Variants in UBE2E2 observed in about 807,000 individuals in gnomAD.
UBE2E2 encodes ubiquitin conjugating enzyme E2 E2.
Under a neutral mutation model 24.7 loss-of-function variants are expected in UBE2E2, and 6 were observed. The observed-to-expected ratio is 0.24, with a 90% CI of 0.13 to 0.48. UBE2E2 has a LOEUF of 0.48. UBE2E2 is among the 20% of genes least tolerant of loss of function. UBE2E2 has a pLI of 0.99. For missense variants in UBE2E2, 169 were observed against 245.0 expected (o/e 0.69, Z 2.07); for synonymous variants, 104 against 83.6 (o/e 1.24, Z -1.33).
intron 3 of UBE2E2, among the ~76,000 whole-genome samples, chr3:23,307,234 C>T (rs1460410081): frequency 6.6e-6 from 1 of 152,076 alleles, no homozygotes; most frequent in Non-Finnish European, 1.5e-5. Context: ...AATGTCTTCT[C>T]TTTCTGAGGA....
At chr3:23,368,941 G>T (rs1487702702) in intron 3 of UBE2E2, among the ~76,000 whole-genome samples, 1 of 152,140 alleles carries the variant, frequency 6.6e-6, no homozygotes, top group Non-Finnish European at 1.5e-5. Flanking sequence ...TACAGTGTGT[G>T]TGTTTATATA....
At chr3:23,585,461 T>C (rs545873410) in intron 5 of UBE2E2, among the ~76,000 whole-genome samples, 1 of 152,032 alleles carries the variant, frequency 6.6e-6, no homozygotes, top group Non-Finnish European at 1.5e-5. Flanking sequence ...CTTCCATCTC[T>C]ATGATATTCT....
At chr3:23,387,134 GA>G (rs1260022032) in intron 3 of UBE2E2, among the ~76,000 whole-genome samples, 2 of 152,224 alleles carry the variant, frequency 1.3e-5, no homozygotes, top group Admixed American at 1.3e-4. Context: ...CACATATGCA[GA>G]TGCTATTAGC....
intron 3 of UBE2E2, among the ~76,000 whole-genome samples, chr3:23,346,863 G>A (rs563509010): frequency 2.0e-5 from 3 of 152,132 alleles, no homozygotes; most frequent in African/African-American, 7.2e-5. Flanking sequence ...CTTTCTGAAG[G>A]AGAAGACTAA....
At chr3:23,469,796 A>C (rs945521746) in intron 3 of UBE2E2, among the ~76,000 whole-genome samples, 1 of 152,222 alleles carries the variant, frequency 6.6e-6, no homozygotes, top group Non-Finnish European at 1.5e-5. Flanking sequence ...AATGTAATCT[A>C]TTGCCAATTG....
intron 3 of UBE2E2, among the ~76,000 whole-genome samples, chr3:23,326,138 C>G (rs958462785): frequency 1.3e-5 from 2 of 152,178 alleles, no homozygotes; most frequent in Non-Finnish European, 2.9e-5. Context: ...GTGGCGCGAT[C>G]TTGGCTCACT....
intron 5 of UBE2E2, among the ~76,000 whole-genome samples, chr3:23,559,544 G>A (rs1309437640): frequency 6.6e-6 from 1 of 152,188 alleles, no homozygotes; most frequent in Non-Finnish European, 1.5e-5. Flanking sequence ...AGAAATAAAA[G>A]ATAGTCATGT....
At position 23,509,492 on chromosome 3, in the gene UBE2E2, T is replaced by G. The variant is rs77270352; in HGVS notation, c.360+9752T>G. On this transcript the variant is annotated intron_variant, in intron 4 of 5. Transcript: ENST00000396703. ...CAAGCTGGGATACAGTAGGCAGGTC[T>G]GAGTTCATTTCTGAGACTGCCTGCC... Among the ~76,000 whole-genome samples the G allele has an allele frequency of 5.7e-3, 862 of 152,320 alleles. 8 individuals carry two copies. Among genetic ancestry groups the G allele is most frequent in the African/African-American group, 0.02 (819 of 41,576 alleles).
intron 5 of UBE2E2, among the ~76,000 whole-genome samples, chr3:23,558,887 C>A (rs926956489): frequency 6.6e-6 from 1 of 152,092 alleles, no homozygotes; most frequent in African/African-American, 2.4e-5. Flanking sequence ...ATAGCAAGAC[C>A]CCATTTCTTT....
chr3:23,583,177 G>A lies in UBE2E2; in HGVS notation c.509-6557G>A, dbSNP rs1049892270. 6.6e-6 allele frequency among the ~76,000 whole-genome samples: 1 copy of A among 152,088 alleles called. No homozygotes were observed. The highest frequency in any genetic ancestry group is 6.6e-5 in the Admixed American group (1 of 15,262). On this transcript the variant is annotated intron_variant, in intron 5 of 5. Transcript: ENST00000396703. The surrounding 1 kb of genome is among the most constrained non-coding windows in gnomAD (Gnocchi z 4.1). ...GCCAGTTAGCCCAGCACCATTTATT[G>A]AATAGGGAGTCCTTTCCCCATTGCT...
chr3:23,401,429 G>A (rs1223959891), intron 3 of UBE2E2, among the ~76,000 whole-genome samples: 1 of 152,238 alleles, frequency 6.6e-6, no homozygotes, highest in South Asian at 2.1e-4. Flanking sequence ...TCACCCCCAC[G>A]ATTCAGGTGA....
intron 1 of UBE2E2, among the ~76,000 whole-genome samples, chr3:23,207,596 G>A (rs1442334573): frequency 6.6e-6 from 1 of 152,136 alleles, no homozygotes; most frequent in East Asian, 1.9e-4. Context: ...TACTAGTTTG[G>A]AGAATTTTAA....
intron 3 of UBE2E2, among the ~76,000 whole-genome samples, chr3:23,320,138 G>T (rs1694704620): frequency 6.6e-6 from 1 of 152,304 alleles, no homozygotes; most frequent in African/African-American, 2.4e-5. Context: ...AAAGCTGGGG[G>T]TTGTCATAGT....
intron 3 of UBE2E2, among the ~76,000 whole-genome samples, chr3:23,373,445 C>T (rs1211361809): frequency 6.6e-6 from 1 of 152,138 alleles, no homozygotes; most frequent in Non-Finnish European, 1.5e-5. Flanking sequence ...TTCAAGATTC[C>T]ACTAGTTTCA....
At chr3:23,234,367 A>C (rs1236634763) in intron 3 of UBE2E2, among the ~76,000 whole-genome samples, 1 of 152,104 alleles carries the variant, frequency 6.6e-6, no homozygotes, top group Non-Finnish European at 1.5e-5. Flanking sequence ...GCAGATCTTT[A>C]GTTTTCTGTG....
At chr3:23,269,190 A>G (rs983964489) in intron 3 of UBE2E2, among the ~76,000 whole-genome samples, 6 of 151,642 alleles carry the variant, frequency 4.0e-5, no homozygotes, top group South Asian at 2.1e-4. Flanking sequence ...ACAAAAGCCA[A>G]AACTGAAAAA....
chr3:23,330,414 G>A (rs181875938), intron 3 of UBE2E2, among the ~76,000 whole-genome samples: 8 of 152,280 alleles, frequency 5.3e-5, no homozygotes, highest in African/African-American at 7.2e-5. Context: ...CTTAGTCTAC[G>A]TTGCTGGCAG....
chr3:23,308,188 ACCC>A (rs1699285440), intron 3 of UBE2E2, among the ~76,000 whole-genome samples: 1 of 152,190 alleles, frequency 6.6e-6, no homozygotes, highest in African/African-American at 2.4e-5. Context: ...TATTACTGAT[ACCC>A]TTACTTTGGA....
At chr3:23,354,086 A>G (rs1375075057) in intron 3 of UBE2E2, among the ~76,000 whole-genome samples, 3 of 152,186 alleles carry the variant, frequency 2.0e-5, no homozygotes, top group Admixed American at 6.5e-5. Context: ...AACGCCACAT[A>G]TCTACAACTA....
Sources: allele counts gnomAD v4.1 joint callset (sites outside exome capture counted in the v4.1 genomes callset), GRCh38; gene constraint gnomAD v4.1.1; non-coding constraint Gnocchi (gnomAD v3.1); transcripts MANE v1.5; gene names NCBI Gene and HGNC (gene_info 2026-07-23, HGNC 2026-07-21).